JAKMIP3: variants seen among roughly 807,000 people sequenced by gnomAD.
JAKMIP3 encodes the protein janus kinase and microtubule-interacting protein 3.
JAKMIP3 carries 58 observed loss-of-function variants against 118.5 expected under a neutral mutation model. The observed-to-expected ratio is 0.49, with a 90% CI of 0.40 to 0.61. The LOEUF (loss-of-function observed/expected upper bound fraction) is 0.61. Among genes scored for constraint, JAKMIP3 ranks in the 20% least tolerant of loss-of-function variants. JAKMIP3 has a pLI of 0.00. For synonymous variants in JAKMIP3, 486 were observed against 451.2 expected (o/e 1.08, Z -0.98); for missense variants, 950 against 1,109.0 (o/e 0.86, Z 2.04).
chr10:132,136,231 G>T (rs2135769945), intron 6 of JAKMIP3, among the ~76,000 whole-genome samples, 155 bp downstream of exon 6: 1 of 152,320 alleles, frequency 6.6e-6, no homozygotes, highest in East Asian at 1.9e-4. Flanking sequence ...TTGAAGGGGA[G>T]CAACCGCCAA....
Position 132,071,848 on chromosome 10 carries a change from T to TC in JAKMIP3, c.-138+5788dup, listed in dbSNP as rs1484424729. 4.5e-3 allele frequency among the ~76,000 whole-genome samples: 572 copies of TC among 126,836 alleles called. 3 individuals are homozygous for TC. The highest frequency in any genetic ancestry group is 0.011 in the Middle Eastern group (3 of 270). 83.2% of individuals were successfully genotyped at this position (126,836 alleles called of 152,430 possible). A position where few individuals can be genotyped will look rare whatever the true frequency, so the allele number is the denominator to read the frequency against. ...TTTCCTTTCTTCCCTTTCCTTTCTT[T>TC]CTTTCCTTTCTTTCCTTTCTTTCTT... is the stretch of plus-strand genomic sequence containing the variant. On this transcript the variant is annotated intron_variant, in intron 1 of 23. Transcript: ENST00000684848.
At position 132,167,971 on chromosome 10, in the gene JAKMIP3, C is replaced by T. The variant is rs781098177; in HGVS notation, c.*41C>T. ...CTTCCAGCCCCACATTGAATCGGAC[C>T]CTTTTCCTCCAGTGGGACCAGAAAG... On this transcript the variant is annotated 3_prime_UTR_variant, in exon 23 of 24. Coordinates refer to ENST00000684848, the MANE Select transcript of JAKMIP3 (RefSeq NM_001323087.2). 7.8e-7 allele frequency: 1 copy of T among 1,289,550 alleles called. No individual in the cohort carries two copies. The highest frequency in any genetic ancestry group is 1.2e-5 in the South Asian group (1 of 81,030). The allele number at this position is 1,289,550 out of a possible 1,614,324, so 79.9% of individuals were successfully genotyped here.
At chr10:132,152,436 C>T (rs768350722) in intron 16 of JAKMIP3, among the ~76,000 whole-genome samples, 2 of 152,192 alleles carry the variant, frequency 1.3e-5, no homozygotes, top group Non-Finnish European at 2.9e-5. Context: ...AAGGGCCACC[C>T]AGGGGCCCCT....
intron 23 of JAKMIP3, among the ~76,000 whole-genome samples, chr10:132,178,864 G>C (rs73399736): frequency 0.013 from 2,005 of 152,362 alleles, 39 homozygotes; most frequent in African/African-American, 0.045. Flanking sequence ...AGCACACACA[G>C]ACGGCAGGGG....
rs910847527 is a variant in JAKMIP3, at chr10:132,139,208, G to T, written c.1344+1030G>T. On this transcript the variant is annotated intron_variant, in intron 9 of 23. Transcript: ENST00000684848. ...TGTATGTGTGTGTATGAGTGTGTGTGTGTATGTGTGTACATGTGAGTGTAT... is the reference window on the plus strand; with the variant it reads ...TGTATGTGTGTGTATGAGTGTGTGTTTGTATGTGTGTACATGTGAGTGTAT... 5.4e-4 allele frequency among the ~76,000 whole-genome samples: 79 copies of T among 146,922 alleles called. 5 individuals are homozygous for T. The highest frequency in any genetic ancestry group is 2.0e-3 in the African/African-American group (78 of 38,466).
chr10:132,181,970 G>A (rs942304396), intron 23 of JAKMIP3, among the ~76,000 whole-genome samples: 2 of 152,200 alleles, frequency 1.3e-5, no homozygotes, highest in Admixed American at 1.3e-4. Flanking sequence ...ATGAAAAAAT[G>A]GAAAGGTAAT....
intron 1 of JAKMIP3, among the ~76,000 whole-genome samples, chr10:132,071,906 C>CTTCCTTCCCTTCCTTCCCTTCCT (rs138119142): frequency 7.5e-6 from 1 of 134,158 alleles, no homozygotes; most frequent in Admixed American, 7.9e-5. Context: ...TCTTTCTTCC[C>CTTCCTTCCCTTCCTTCCCTTCCT]TTCCTTCCTT....
rs887519548 is a variant in JAKMIP3, at chr10:132,112,006, A to G, written c.136-5071A>G. 4.0e-5 allele frequency among the ~76,000 whole-genome samples: 6 copies of G among 151,476 alleles called. No homozygotes were observed. Among genetic ancestry groups the G allele is most frequent in the Admixed American group, 2.0e-4 (3 of 15,220 alleles). On this transcript the variant is annotated intron_variant, in intron 2 of 23. Coordinates refer to ENST00000684848, the MANE Select transcript of JAKMIP3 (RefSeq NM_001323087.2). This position sits in a 1 kb window ranked among gnomAD's most constrained non-coding sequence, Gnocchi z 4.3. ...GTGGAACTGCTCTGGGACACGGGGGAGAGGAGCCAGGAGGTGTTGGCAGGC... is the reference window on the plus strand; with the variant it reads ...GTGGAACTGCTCTGGGACACGGGGGGGAGGAGCCAGGAGGTGTTGGCAGGC...
At chr10:132,052,562 T>C (rs1268175675) in intron 1 of JAKMIP3, among the ~76,000 whole-genome samples, 1 of 152,248 alleles carries the variant, frequency 6.6e-6, no homozygotes, top group Non-Finnish European at 1.5e-5. Context: ...TAGCTTCTTC[T>C]CTGGGTTCTG....
intron 1 of JAKMIP3, among the ~76,000 whole-genome samples, chr10:132,057,882 C>T (rs977617096): frequency 6.6e-6 from 1 of 152,198 alleles, no homozygotes. Flanking sequence ...ACTAATAACG[C>T]ACATAATGGC....
chr10:132,134,404 T>A (rs2051300437), intron 4 of JAKMIP3, among the ~76,000 whole-genome samples: 1 of 152,224 alleles, frequency 6.6e-6, no homozygotes, highest in Admixed American at 6.5e-5. Flanking sequence ...CAGCCCCTCC[T>A]GCTGGTGCGT....
At chr10:132,086,890 C>G (rs2134319793) in intron 1 of JAKMIP3, among the ~76,000 whole-genome samples, 1 of 152,298 alleles carries the variant, frequency 6.6e-6, no homozygotes, top group East Asian at 1.9e-4. Context: ...GGTGCTGTTT[C>G]ATTCATCATC....
chr10:132,122,215 G>GC (rs2048669034), intron 3 of JAKMIP3, among the ~76,000 whole-genome samples: 1 of 149,230 alleles, frequency 6.7e-6, no homozygotes, highest in South Asian at 2.2e-4. Context: ...GGCCCTGACT[G>GC]CCCCCCGGTC....
At position 132,113,718 on chromosome 10, in the gene JAKMIP3, GTGT is replaced by G. The variant is rs761370130; in HGVS notation, c.136-3354_136-3352del. 9.8e-5 allele frequency among the ~76,000 whole-genome samples: 15 copies of G among 152,338 alleles called. No individual in the cohort carries two copies. The East Asian group carries it at 2.5e-3, about 25-fold the overall frequency. On this transcript the variant is annotated intron_variant, in intron 2 of 23. Coordinates refer to ENST00000684848, the MANE Select transcript of JAKMIP3 (RefSeq NM_001323087.2). ...TTTCCTATGTTTTCTTCTAGAAGCT[GTGT>G]TGTTTTACCTTTCAATTTTATATCG...
At chr10:132,079,733 A>T (rs1452067756) in intron 1 of JAKMIP3, among the ~76,000 whole-genome samples, 1 of 152,134 alleles carries the variant, frequency 6.6e-6, no homozygotes, top group African/African-American at 2.4e-5. Context: ...TCCCCATTGA[A>T]CAGCTCCTCA....
In JAKMIP3 at chr10:132,184,074, CATTAT is replaced by C. The variant is rs1429366335; in HGVS notation, c.*2826_*2830del. 6.6e-6 allele frequency: 1 copy of C among 152,168 alleles called. No individual in the cohort carries two copies. The highest frequency in any genetic ancestry group is 1.5e-5 in the Non-Finnish European group (1 of 68,036). 9.4% of individuals were successfully genotyped at this position (152,168 alleles called of 1,614,324 possible). On this transcript the variant is annotated 3_prime_UTR_variant, in exon 24 of 24. Coordinates refer to ENST00000684848, the MANE Select transcript of JAKMIP3 (RefSeq NM_001323087.2). The stretch of plus-strand genomic sequence containing the variant: ...AAATGTACTGTTACATCAACATTTA[CATTAT>C]ATTAACATCATCACACTCTGTGTTC...
chr10:132,124,846 C>G (rs2049210485), intron 3 of JAKMIP3, among the ~76,000 whole-genome samples: 1 of 151,376 alleles, frequency 6.6e-6, no homozygotes, highest in African/African-American at 2.4e-5. Context: ...GCAGAGCCCC[C>G]TCTCGTTCTA....
At chr10:132,111,452 C>T (rs370739775) in intron 2 of JAKMIP3, among the ~76,000 whole-genome samples, 3 of 152,082 alleles carry the variant, frequency 2.0e-5, no homozygotes, top group Admixed American at 6.5e-5. Context: ...TGACCTCGAG[C>T]GCCGGGAAGT....
intron 1 of JAKMIP3, among the ~76,000 whole-genome samples, chr10:132,094,652 AG>A (rs1243385514): frequency 6.6e-6 from 1 of 152,110 alleles, no homozygotes; most frequent in Non-Finnish European, 1.5e-5. Context: ...TGGAGGTGGC[AG>A]GGGGTGCAAT....
Sources: allele counts gnomAD v4.1 joint callset (sites outside exome capture counted in the v4.1 genomes callset), GRCh38; gene constraint gnomAD v4.1.1; non-coding constraint Gnocchi (gnomAD v3.1); transcripts MANE v1.5; gene names NCBI Gene and HGNC (gene_info 2026-07-23, HGNC 2026-07-21).